MUC17: variants seen among roughly 807,000 people sequenced by gnomAD.
MUC17 encodes the protein mucin-17.
MUC17 carries 190 observed loss-of-function variants against 170.3 expected under a neutral mutation model. The observed-to-expected ratio is 1.12, with a 90% CI of 0.99 to 1.26. The LOEUF is 1.26. Among genes scored for constraint, MUC17 ranks in the 50% most tolerant of loss-of-function variants. The pLI, the probability that MUC17 is intolerant of heterozygous loss-of-function variation, is 0.00. For missense variants in MUC17, 6,415 were observed against 5,530.0 expected, an observed-to-expected ratio of 1.16 and a Z score of -5.08; for synonymous variants, 2,325 against 2,002.5, an observed-to-expected ratio of 1.16 and a Z score of -4.30.
Position 101,034,665 on chromosome 7 carries a change from T to C in MUC17, c.3249T>C (p.Ser1083=). The C allele has an allele frequency of 6.2e-7, 1 of 1,606,920 alleles. No homozygotes were observed. Among genetic ancestry groups the C allele is most frequent in the Non-Finnish European group, 8.5e-7 (1 of 1,175,908 alleles). ...CTTATTCTCAAGCCAGTTCATCTTC[T>C]ACAACTGCTGACGGTACCAGCATGC... ...VTTYSQASSS[S]TTADGTSMPT... The change falls in exon 3 of 13, where the codon TCT becomes TCC. Residue 1083 remains serine, a synonymous_variant. Coordinates refer to ENST00000306151, the MANE Select transcript of MUC17 (RefSeq NM_001040105.2).
In MUC17 at chr7:101,038,941, A is replaced by C. The variant is rs745825584; in HGVS notation, c.7525A>C (p.Thr2509Pro). 6.2e-7 allele frequency: 1 copy of C among 1,613,066 alleles called. No homozygotes were observed. Among genetic ancestry groups the C allele is most frequent in the Non-Finnish European group, 8.5e-7 (1 of 1,179,836 alleles). Residue 2509 changes from threonine (T) to proline (P), a missense_variant, in exon 3 of 13, where the codon ACT becomes CCT. By Grantham distance (38) the Thr-to-Pro change is conservative (BLOSUM62 -1). Coordinates refer to ENST00000306151, the MANE Select transcript of MUC17 (RefSeq NM_001040105.2). Reference protein sequence around the residue: ...TAEDIVVPISTASEGSTLLTS... With the variant: ...TAEDIVVPISPASEGSTLLTS... Reference sequence around the variant, plus strand: ...TGAAGATATCGTCGTGCCAATCTCAACTGCTAGTGAAGGAAGTACTCTATT... The same window carrying C: ...TGAAGATATCGTCGTGCCAATCTCACCTGCTAGTGAAGGAAGTACTCTATT...
Position 101,035,494 on chromosome 7 carries a change from A to C in MUC17, c.4078A>C (p.Thr1360Pro). The part of the protein sequence containing the change: ...ASSAISILST[T>P]PVDNSTPVTT... ...TTCTGCAATCAGCATCCTTTCAACA[A>C]CTCCTGTTGACAACAGCACACCTGT... The change falls in exon 3 of 13, where the codon ACT becomes CCT. Residue 1360 changes from threonine to proline, a missense_variant. Physicochemically the swap from Thr to Pro is conservative, Grantham distance 38. Transcript: ENST00000306151. 5.6e-6 allele frequency: 9 copies of C among 1,599,738 alleles called. No homozygotes were observed. Among genetic ancestry groups the C allele is most frequent in the Non-Finnish European group, 6.8e-6 (8 of 1,171,804 alleles).
chr7:101,049,859 A>G (rs1794905723), intron 6 of MUC17, among the ~76,000 whole-genome samples: 1 of 152,182 alleles, frequency 6.6e-6, no homozygotes, highest in South Asian at 2.1e-4. Context: ...CACCAGGTGC[A>G]GTAGCTCACA....
At chr7:101,020,496 C>A (rs1794053379) in intron 1 of MUC17, among the ~76,000 whole-genome samples, 1 of 152,092 alleles carries the variant, frequency 6.6e-6, no homozygotes, top group Non-Finnish European at 1.5e-5. Context: ...AGAATAATAA[C>A]ACCTGCTTTT....
At position 101,039,942 on chromosome 7, in the gene MUC17, C is replaced by T; in HGVS notation, c.8526C>T (p.Thr2842=). The change falls in exon 3 of 13, where the codon ACC becomes ACT. Residue 2842 remains threonine, a synonymous_variant. Coordinates refer to ENST00000306151, the MANE Select transcript of MUC17 (RefSeq NM_001040105.2). ...TTPVDTSTPV[T]TSTKASSSPT... is the part of the protein sequence containing the mutation. ...CTGTTGACACCAGCACACCTGTGAC[C>T]ACTTCTACTAAAGCCAGTTCATCTC... 1.9e-6 allele frequency: 3 copies of T among 1,613,682 alleles called. No individual in the cohort carries two copies. Among genetic ancestry groups the T allele is most frequent in the Non-Finnish European group, 2.5e-6 (3 of 1,179,852 alleles).
rs763622974 is a variant in MUC17 at position 101,031,814 on chromosome 7, C to T, written c.398C>T (p.Thr133Ile). The T allele has an allele frequency of 1.2e-6, 2 of 1,612,496 alleles. No individual in the cohort carries two copies. Among genetic ancestry groups the T allele is most frequent in the Admixed American group, 3.3e-5 (2 of 60,032 alleles). The change falls in exon 3 of 13, where the codon ACT becomes ATT. Residue 133 changes from threonine (T) to isoleucine (I), a missense_variant. Physicochemically the swap from Thr to Ile is moderately conservative, Grantham distance 89. Coordinates refer to ENST00000306151, the MANE Select transcript of MUC17 (RefSeq NM_001040105.2). Reference protein sequence around the residue: ...SDSTTLFPSSTEDTSSPTTPE... With the variant: ...SDSTTLFPSSIEDTSSPTTPE... ...AGCACCACACTTTTCCCCAGTTCTA[C>T]TGAAGACACTTCATCTCCTACAACT...
chr7:101,034,010 C>A lies in MUC17; in HGVS notation c.2594C>A (p.Thr865Asn), dbSNP rs1794375994. Residue 865 changes from threonine to asparagine, a missense_variant, in exon 3 of 13, where the codon ACT becomes AAT. By Grantham distance (65) the Thr-to-Asn change is moderately conservative (BLOSUM62 0). Coordinates refer to ENST00000306151, the MANE Select transcript of MUC17 (RefSeq NM_001040105.2). ...MPTSTYSEGR[T>N]PLTSMPVSTT... ...ACCTCAACTTATAGTGAAGGAAGAA[C>A]TCCTTTAACAAGTATGCCTGTCAGC... 1 of 1,602,790 alleles carries A rather than the reference C, an allele frequency of 6.2e-7. No individual in the cohort carries two copies.
chr7:101,057,802 G>C (rs2116489735), intron 12 of MUC17, among the ~76,000 whole-genome samples: 1 of 152,140 alleles, frequency 6.6e-6, no homozygotes, highest in African/African-American at 2.4e-5. Context: ...ATTGCTTGAG[G>C]CCAGAAGTTA....
rs142671748 is a variant in MUC17 at position 101,035,048 on chromosome 7, C to T, written c.3632C>T (p.Thr1211Ile). 2.6e-5 allele frequency: 42 copies of T among 1,613,994 alleles called. No homozygotes were observed. The highest frequency in any genetic ancestry group is 3.3e-5 in the Non-Finnish European group (39 of 1,179,992). ...PPTAEVTSMP[T>I]STPGERSTPL... ...ACTGCTGAAGTTACCAGCATGCCAA[C>T]CTCAACTCCTGGAGAAAGAAGCACT... The change falls in exon 3 of 13, where the codon ACC (threonine) becomes ATC (isoleucine). Residue 1211 changes from threonine (T) to isoleucine (I), a missense_variant. Physicochemically the swap from Thr to Ile is moderately conservative, Grantham distance 89. Transcript: ENST00000306151.
rs758618131 is a variant in MUC17 at position 101,037,186 on chromosome 7, G to A, written c.5770G>A (p.Gly1924Arg). 2.5e-6 allele frequency: 4 copies of A among 1,612,626 alleles called. No homozygotes were observed. The highest frequency in any genetic ancestry group is 3.4e-6 in the Non-Finnish European group (4 of 1,179,664). ...SSMPTSTPRE[G>R]RPPLTSIPVS... ...CATGCCAACCTCAACTCCTAGGGAA[G>A]GAAGGCCTCCATTAACAAGTATACC... The change falls in exon 3 of 13, where the codon GGA (glycine) becomes AGA (arginine). Residue 1924 changes from glycine to arginine, a missense_variant. Gly to Arg is a moderately radical substitution (Grantham distance 125, BLOSUM62 -2). Coordinates refer to ENST00000306151, the MANE Select transcript of MUC17 (RefSeq NM_001040105.2).
chr7:101,020,390 C>T (rs1340277129), intron 1 of MUC17, among the ~76,000 whole-genome samples, 173 bp downstream of exon 1: 2 of 152,184 alleles, frequency 1.3e-5, no homozygotes, highest in Non-Finnish European at 2.9e-5. Flanking sequence ...CCCCAGCGAG[C>T]TTTGGGGGAA....
intron 1 of MUC17, among the ~76,000 whole-genome samples, chr7:101,025,528 A>T (rs556654165): frequency 2.0e-5 from 3 of 152,230 alleles, no homozygotes; most frequent in African/African-American, 7.2e-5. Context: ...ACAGTGGCTC[A>T]CACCAGTAAT....
In MUC17 at chr7:101,034,401, G is replaced by C; in HGVS notation, c.2985G>C (p.Val995=). 2 of 1,606,562 alleles carry C rather than the reference G, an allele frequency of 1.2e-6. No homozygotes were observed. Among genetic ancestry groups the C allele is most frequent in the South Asian group, 2.2e-5 (2 of 90,054 alleles). Residue 995 remains valine (V), a synonymous_variant, in exon 3 of 13, where the codon GTG becomes GTC. Coordinates refer to ENST00000306151, the MANE Select transcript of MUC17 (RefSeq NM_001040105.2). ...GCACACCTGTCAGCCACACGCTGGT[G>C]GCCAATTCTGAGGCTAGCACCCTTT... is the stretch of plus-strand genomic sequence containing the variant. ...LTSTPVSHTL[V]ANSEASTLST...
At position 101,037,335 on chromosome 7, in the gene MUC17, C is replaced by A; in HGVS notation, c.5919C>A (p.Thr1973=). Residue 1973 remains threonine, a synonymous_variant, in exon 3 of 13, where the codon ACC becomes ACA. Coordinates refer to ENST00000306151, the MANE Select transcript of MUC17 (RefSeq NM_001040105.2). ...ASSSPTTADG[T]SMPTPAYSEG... ...CATCTCCTACAACTGCTGATGGTAC[C>A]AGCATGCCAACCCCAGCTTATAGTG... The A allele has an allele frequency of 1.2e-6, 2 of 1,614,138 alleles. No individual in the cohort carries two copies. Among genetic ancestry groups the A allele is most frequent in the Non-Finnish European group, 1.7e-6 (2 of 1,180,000 alleles).
Position 101,040,324 on chromosome 7 carries a change from A to C in MUC17, c.8908A>C (p.Thr2970Pro). The part of the protein sequence containing the change: ...TTSAEASSSP[T>P]TAEGTSMPIS... ...TTCTGCTGAAGCTAGTTCTTCTCCT[A>C]CAACTGCTGAAGGTACCAGCATGCC... The change falls in exon 3 of 13, where the codon ACA becomes CCA. Residue 2970 changes from threonine (T) to proline (P), a missense_variant. Thr to Pro is a conservative substitution (Grantham distance 38, BLOSUM62 -1). Coordinates refer to ENST00000306151, the MANE Select transcript of MUC17 (RefSeq NM_001040105.2). The C allele has an allele frequency of 1.2e-6, 2 of 1,612,720 alleles. No individual in the cohort carries two copies. The highest frequency in any genetic ancestry group is 1.7e-5 in the Admixed American group (1 of 59,662).
chr7:101,032,136 T>G lies in MUC17; in HGVS notation c.720T>G (p.Pro240=). 5 of 1,613,790 alleles carry G rather than the reference T, an allele frequency of 3.1e-6. No homozygotes were observed. Among genetic ancestry groups the G allele is most frequent in the Non-Finnish European group, 4.2e-6 (5 of 1,179,954 alleles). Residue 240 remains proline, a synonymous_variant, in exon 3 of 13, where the codon CCT becomes CCG. Coordinates refer to ENST00000306151, the MANE Select transcript of MUC17 (RefSeq NM_001040105.2). ...SSEAITLLTT[P]VEISTPVTIS... ...AGGCTATCACCCTTTTGACAACTCC[T>G]GTTGAAATCAGCACACCTGTGACCA... is the stretch of plus-strand genomic sequence containing the variant.
At chr7:101,046,930 T>G (rs1794852452) in intron 3 of MUC17, among the ~76,000 whole-genome samples, 1 of 151,242 alleles carries the variant, frequency 6.6e-6, no homozygotes, top group Admixed American at 6.6e-5. Context: ...ATACAAAAAA[T>G]TAGCTGGGCG....
chr7:101,047,095 AAAATAAATAAATAAAT>A (rs57775219), intron 3 of MUC17, among the ~76,000 whole-genome samples: 1 of 146,854 alleles, frequency 6.8e-6, no homozygotes, highest in South Asian at 2.1e-4. Context: ...AAAAAAAATT[AAAATAAATAAATAAAT>A]AAATAAATAA....
At position 101,041,690 on chromosome 7, in the gene MUC17, A is replaced by T; in HGVS notation, c.10274A>T (p.Asp3425Val). Reference sequence around the variant, plus strand: ...AACACCCTTTCAACAACTCCTGTGGACTCCAACACTCTGGTGACCACTTCT... The same window carrying T: ...AACACCCTTTCAACAACTCCTGTGGTCTCCAACACTCTGGTGACCACTTCT... Reference protein sequence around the residue: ...EVNTLSTTPVDSNTLVTTSTE... With the variant: ...EVNTLSTTPVVSNTLVTTSTE... The change falls in exon 3 of 13, where the codon GAC becomes GTC. Residue 3425 changes from aspartate to valine, a missense_variant. Physicochemically the swap from Asp to Val is radical, Grantham distance 152. Transcript: ENST00000306151. 1.9e-6 allele frequency: 3 copies of T among 1,612,784 alleles called. No homozygotes were observed. The highest frequency in any genetic ancestry group is 2.5e-6 in the Non-Finnish European group (3 of 1,179,772).
Sources: allele counts gnomAD v4.1 joint callset (sites outside exome capture counted in the v4.1 genomes callset), GRCh38; gene constraint gnomAD v4.1.1; transcripts MANE v1.5; gene names NCBI Gene and HGNC (gene_info 2026-07-23, HGNC 2026-07-21).